The following FRMPD4 variants were observed in gnomAD, a reference collection of about 807,000 sequenced individuals.
The protein encoded by FRMPD4 is FERM and PDZ domain-containing protein 4.
A neutral mutation model predicts 94.1 loss-of-function variants in FRMPD4; 22 were observed. That is an observed-to-expected ratio of 0.23 (90% CI 0.17 to 0.33). The LOEUF (loss-of-function observed/expected upper bound fraction) is 0.33. FRMPD4 is among the 10% of genes least tolerant of loss of function. The probability of loss-of-function intolerance (pLI) is 1.00; values close to 1 mark genes in which losing one functional copy is unlikely to be tolerated. For missense variants in FRMPD4, 1,111 were observed against 1,339.9 expected (o/e 0.83, Z 2.67); for synonymous variants, 631 against 548.6 (o/e 1.15, Z -2.10).
intron 2 of FRMPD4, among the ~76,000 whole-genome samples, chrX:11,871,369 C>A (rs2053755695): frequency 8.9e-6 from 1 of 112,019 alleles, no homozygotes; most frequent in African/African-American, 3.2e-5. Flanking sequence ...TATTGTGATT[C>A]GTCTAGTAGC....
chrX:12,054,629 G>C (rs770891488), intron 3 of FRMPD4, among the ~76,000 whole-genome samples: 4 of 111,181 alleles, frequency 3.6e-5, no homozygotes, highest in Non-Finnish European at 1.9e-5. Context: ...ATTAATCTTT[G>C]TCTGGTCACT....
chrX:12,458,094 C>G (rs1216938472), intron 1 of FRMPD4, among the ~76,000 whole-genome samples: 5 of 111,895 alleles, frequency 4.5e-5, no homozygotes, highest in Non-Finnish European at 7.5e-5. Context: ...CAGAGGGTGC[C>G]TACATGATCA....
At position 12,671,501 on chromosome X, in the gene FRMPD4, C is replaced by T. The variant is rs182813003; in HGVS notation, c.423-3362C>T. On this transcript the variant is annotated intron_variant, in intron 4 of 16. Transcript: ENST00000675598. ...AACACAAGAGCAGAAAACCAAATAC[C>T]GCATGTTATCACTCATAAGTGGGAG... Among the ~76,000 whole-genome samples the T allele has an allele frequency of 3.7e-3, 412 of 110,589 alleles. 2 individuals are homozygous for T. Among genetic ancestry groups the T allele is most frequent in the African/African-American group, 0.012 (371 of 30,334 alleles).
At chrX:11,870,759 T>C (rs2053751757) in intron 2 of FRMPD4, among the ~76,000 whole-genome samples, 1 of 111,942 alleles carries the variant, frequency 8.9e-6, no homozygotes, top group Admixed American at 9.4e-5. Flanking sequence ...AAAAATAGCA[T>C]CTTGGACCGG....
Position 12,588,117 on chromosome X carries a change from T to C in FRMPD4, c.159-21604T>C, listed in dbSNP as rs191444595. Among the ~76,000 whole-genome samples the C allele has an allele frequency of 4.3e-3, 484 of 111,709 alleles. 2 individuals are homozygous for C. Among genetic ancestry groups the C allele is most frequent in the African/African-American group, 0.015 (463 of 30,719 alleles). On this transcript the variant is annotated intron_variant, in intron 2 of 16. Coordinates refer to ENST00000675598, the MANE Select transcript of FRMPD4 (RefSeq NM_001368397.1). ...GATTCTCCTGCCTCAGCCTCCTGAGTAGCTGGGATTACAGGCATGTGTCAC... is the reference window on the plus strand; with the variant it reads ...GATTCTCCTGCCTCAGCCTCCTGAGCAGCTGGGATTACAGGCATGTGTCAC...
rs373302440 is a variant in FRMPD4 at position 11,952,541 on chromosome X, C to T, written c.95+74523C>T. Among the ~76,000 whole-genome samples, 11 of 112,493 alleles carry T rather than the reference C, an allele frequency of 9.8e-5. No homozygotes were observed. The East Asian group carries it at 1.4e-3, about 14-fold the overall frequency. On this transcript the variant is annotated intron_variant, in intron 3 of 18. Coordinates refer to the FRMPD4 transcript ENST00000640291. ...GCAGTGGGACCTGGCAGCCATCCAG[C>T]CCATGCCTCCCTTTTCCAGATGTGA...
chrX:12,201,203 G>T (rs2056627671), intron 1 of FRMPD4, among the ~76,000 whole-genome samples: 1 of 112,310 alleles, frequency 8.9e-6, no homozygotes, highest in South Asian at 3.7e-4. Flanking sequence ...TGGATGGTAA[G>T]ATTTTGTGTT....
chrX:11,915,811 A>T (rs989109015), intron 3 of FRMPD4, among the ~76,000 whole-genome samples: 10 of 112,106 alleles, frequency 8.9e-5, no homozygotes, highest in African/African-American at 3.2e-4. Context: ...GTGAACTCAG[A>T]AGAGTTTCTT....
chrX:12,427,260 A>C (rs2056956288), intron 1 of FRMPD4, among the ~76,000 whole-genome samples: 1 of 111,983 alleles, frequency 8.9e-6, no homozygotes, highest in Admixed American at 9.4e-5. Context: ...TTTTACATTC[A>C]TAATGAGTTC....
intron 8 of FRMPD4, among the ~76,000 whole-genome samples, chrX:12,693,238 T>C (rs1016970648): frequency 8.9e-6 from 1 of 112,413 alleles, no homozygotes; most frequent in African/African-American, 3.2e-5. Flanking sequence ...CACAACTGTG[T>C]TGGTTCATGC....
chrX:12,020,777 G>T (rs1226113177), intron 3 of FRMPD4, among the ~76,000 whole-genome samples: 1 of 111,867 alleles, frequency 8.9e-6, no homozygotes, highest in Non-Finnish European at 1.9e-5. Flanking sequence ...AACCCCCTTT[G>T]AGTAGAGTCT....
At chrX:12,000,430 G>A (rs1233573556) in intron 3 of FRMPD4, among the ~76,000 whole-genome samples, 1 of 112,000 alleles carries the variant, frequency 8.9e-6, no homozygotes, top group Non-Finnish European at 1.9e-5. Context: ...CAAATACAAG[G>A]CAGTTTTGAT....
chrX:11,869,195 A>G (rs947529444), intron 2 of FRMPD4, among the ~76,000 whole-genome samples: 5 of 112,319 alleles, frequency 4.5e-5, no homozygotes, highest in Admixed American at 1.9e-4. Context: ...GTACTCATTA[A>G]ATGGACATAA....
chrX:12,145,567 T>C (rs966362907), intron 1 of FRMPD4, among the ~76,000 whole-genome samples: 7 of 113,110 alleles, frequency 6.2e-5, no homozygotes, highest in African/African-American at 2.2e-4. Context: ...TTAACCCATC[T>C]GATGTGTTTA....
intron 1 of FRMPD4, among the ~76,000 whole-genome samples, chrX:12,481,183 C>T (rs186692918): frequency 1.1e-3 from 123 of 111,065 alleles, no homozygotes; most frequent in African/African-American, 3.7e-3. Context: ...ATTTACCCAA[C>T]TGCTTTAGGG....
chrX:12,153,077 G>T (rs904097184), intron 1 of FRMPD4, among the ~76,000 whole-genome samples: 2 of 109,880 alleles, frequency 1.8e-5, no homozygotes, highest in Non-Finnish European at 3.8e-5. Flanking sequence ...GGGACTACAG[G>T]CACCCGCCAC....
Position 12,553,434 on chromosome X carries a change from CTATATATATATATATA to C in FRMPD4, c.158+54656_158+54671del, listed in dbSNP as rs3066486. ...AGTTTTGTGAGATCTATCCATATGC[CTATATATATATATATA>C]TATATATATATATATATCTAATCCA... On this transcript the variant is annotated intron_variant, in intron 2 of 16. Transcript: ENST00000675598. 5.8e-4 allele frequency among the ~76,000 whole-genome samples: 23 copies of C among 39,674 alleles called. 1 individual carries two copies. Among genetic ancestry groups the C allele is most frequent in the East Asian group, 2.8e-3 (4 of 1,404 alleles). 34.5% of individuals were successfully genotyped at this position (39,674 alleles called of 115,157 possible).
intron 1 of FRMPD4, among the ~76,000 whole-genome samples, chrX:12,494,536 A>G (rs2057825612): frequency 9.0e-6 from 1 of 111,381 alleles, no homozygotes; most frequent in African/African-American, 3.3e-5. Flanking sequence ...CTTCTCCCCT[A>G]CGGCATCCCT....
chrX:12,555,029 T>C (rs1040077600), intron 2 of FRMPD4, among the ~76,000 whole-genome samples: 1 of 112,201 alleles, frequency 8.9e-6, no homozygotes, highest in Non-Finnish European at 1.9e-5. Context: ...CATCTCCCTG[T>C]GGGCTCCTTT....
Sources: gnomAD v4.1 joint callset for allele counts (sites outside exome capture counted in the v4.1 genomes callset) on GRCh38, gnomAD v4.1.1 for gene constraint, MANE v1.5 for transcripts, NCBI Gene and HGNC (gene_info 2026-07-23, HGNC 2026-07-21) for gene names.